SCARA3: variants seen among roughly 807,000 people sequenced by gnomAD.
SCARA3 encodes cellular stress response gene protein.
A neutral mutation model predicts 47.0 loss-of-function variants in SCARA3; 39 were observed. That is an observed-to-expected ratio of 0.83 (90% CI 0.64 to 1.08). The LOEUF is 1.08. SCARA3 is among the 50% of genes least tolerant of loss of function. SCARA3 has a pLI of 0.00. For synonymous variants in SCARA3, 356 were observed against 334.1 expected, an observed-to-expected ratio of 1.07 and a Z score of -0.71; for missense variants, 724 against 792.3, an observed-to-expected ratio of 0.91 and a Z score of 1.04.
At chr8:27,649,201 C>T (rs1443503419) in intron 1 of SCARA3, among the ~76,000 whole-genome samples, 1 of 152,142 alleles carries the variant, frequency 6.6e-6, no homozygotes, top group Non-Finnish European at 1.5e-5. Flanking sequence ...TTGTGTGAAG[C>T]AGGGATCTGC....
At chr8:27,708,744 G>C in the SCARA3 span, among the ~76,000 whole-genome samples, 3 of 151,212 alleles carry the variant, frequency 2.0e-5, no homozygotes, top group Admixed American at 1.3e-4. Context: ...TTGTTACATG[G>C]GTATATTGTG....
the SCARA3 span, among the ~76,000 whole-genome samples, chr8:27,718,213 T>C: frequency 6.6e-6 from 1 of 152,210 alleles, no homozygotes; most frequent in African/African-American, 2.4e-5. Flanking sequence ...GGCCAGAGAA[T>C]TGCCCCCTCC....
the SCARA3 span, among the ~76,000 whole-genome samples, chr8:27,685,083 A>T: frequency 2.0e-5 from 3 of 152,140 alleles, no homozygotes. Flanking sequence ...ACAACAACAA[A>T]CCCTATGCAA....
the SCARA3 span, among the ~76,000 whole-genome samples, chr8:27,697,790 C>G: frequency 9.5e-3 from 1,447 of 152,314 alleles, 24 homozygotes; most frequent in African/African-American, 0.033. Flanking sequence ...GGTTCTCACT[C>G]TCTCTTTGCC....
intron 5 of SCARA3, among the ~76,000 whole-genome samples, chr8:27,661,446 A>G (rs1801911322): frequency 6.6e-6 from 1 of 152,218 alleles, no homozygotes; most frequent in Non-Finnish European, 1.5e-5. Flanking sequence ...AAAGTTAACA[A>G]TATTTGTGCT....
At chr8:27,640,390 A>G (rs755810397) in intron 1 of SCARA3, among the ~76,000 whole-genome samples, 21 of 151,780 alleles carry the variant, frequency 1.4e-4, no homozygotes, top group Non-Finnish European at 2.1e-4. Flanking sequence ...TTTTATTTTT[A>G]TTTTATTTTA....
At chr8:27,675,477 A>G (rs1453235821), downstream of SCARA3, among the ~76,000 whole-genome samples, 1 of 152,126 alleles carries the variant, frequency 6.6e-6, no homozygotes, top group East Asian at 1.9e-4. Flanking sequence ...TCTTTTGAAC[A>G]CTTCCAAGTG....
In SCARA3 at chr8:27,658,530, T is replaced by C. The variant is rs767611356; in HGVS notation, c.360T>C (p.His120=). The C allele has an allele frequency of 7.4e-6, 12 of 1,612,364 alleles. No homozygotes were observed. The highest frequency in any genetic ancestry group is 5.0e-5 in the Admixed American group (3 of 59,728). Residue 120 remains histidine (H), a synonymous_variant, in exon 5 of 6, where the codon CAT becomes CAC. Coordinates refer to ENST00000301904, the MANE Select transcript of SCARA3 (RefSeq NM_016240.3). ...CCCTGAACAACTGCTCTTTCTGCCA[T>C]GAAGCTGGGCAGCTGGGGCCAGAGA... The part of the protein sequence containing the change: ...PKALNNCSFC[H]EAGQLGPEIR...
intron 2 of SCARA3, among the ~76,000 whole-genome samples, chr8:27,650,365 C>T (rs1008297242): frequency 2.0e-5 from 3 of 152,156 alleles, no homozygotes; most frequent in Admixed American, 6.5e-5. Context: ...GGACTTCTGC[C>T]ATCTCCCAGA....
At chr8:27,646,172 T>G (rs565166834) in intron 1 of SCARA3, among the ~76,000 whole-genome samples, 2 of 152,114 alleles carry the variant, frequency 1.3e-5, no homozygotes, top group Non-Finnish European at 2.9e-5. Context: ...CTGTGAGTTA[T>G]GGAGCTGAGA....
At chr8:27,692,644 CTAAG>C in the SCARA3 span, among the ~76,000 whole-genome samples, 9 of 152,154 alleles carry the variant, frequency 5.9e-5, no homozygotes, top group African/African-American at 1.9e-4. Flanking sequence ...AGAGAATTAA[CTAAG>C]TGTCTGGTAT....
chr8:27,709,319 A>G, the SCARA3 span, among the ~76,000 whole-genome samples: 1 of 152,180 alleles, frequency 6.6e-6, no homozygotes, highest in Non-Finnish European at 1.5e-5. Flanking sequence ...GTTTTGGGGT[A>G]ACTTGGGCCC....
At chr8:27,715,153 C>T in the SCARA3 span, among the ~76,000 whole-genome samples, 15 of 152,074 alleles carry the variant, frequency 9.9e-5, no homozygotes, top group South Asian at 2.1e-4. The surrounding 1 kb of genome is among the most constrained non-coding windows in gnomAD (Gnocchi z 4.2). Context: ...GTCAAACTCC[C>T]GGCCTGAAAC....
chr8:27,640,074 C>T (rs908233075), intron 1 of SCARA3, among the ~76,000 whole-genome samples: 4 of 151,906 alleles, frequency 2.6e-5, no homozygotes, highest in Admixed American at 6.6e-5. Context: ...GGGGACAGAG[C>T]GGTGGAATTG....
chr8:27,712,064 G>A, the SCARA3 span, among the ~76,000 whole-genome samples: 16 of 152,160 alleles, frequency 1.1e-4, no homozygotes, highest in Admixed American at 1.0e-3. Context: ...ATTCCAGAAA[G>A]ATAATTTATT....
At chr8:27,704,361 G>A in the SCARA3 span, among the ~76,000 whole-genome samples, 5 of 152,196 alleles carry the variant, frequency 3.3e-5, no homozygotes, top group Admixed American at 6.5e-5. Context: ...AGGAAGGATT[G>A]CTTGAGCCCA....
At chr8:27,635,733 G>C (rs1012148197) in intron 1 of SCARA3, among the ~76,000 whole-genome samples, 2 of 151,986 alleles carry the variant, frequency 1.3e-5, no homozygotes, top group Admixed American at 6.6e-5. Flanking sequence ...TGGGATTACA[G>C]CCTTGATCCA....
rs1801753835 is a variant in SCARA3 at position 27,656,845 on chromosome 8, A to G, written c.290A>G (p.Lys97Arg). 6.2e-7 allele frequency: 1 copy of G among 1,612,596 alleles called. No individual in the cohort carries two copies. The change falls in exon 4 of 6, where the codon AAG becomes AGG. Residue 97 changes from lysine to arginine, a missense_variant. Physicochemically the swap from Lys to Arg is conservative, Grantham distance 26. Coordinates refer to ENST00000301904, the MANE Select transcript of SCARA3 (RefSeq NM_016240.3). ...TTGACCCAGTCTATTTATGACAAGA[A>G]GCTTGTGTTAATGCAGAAAAATCTC... ...ISLTQSIYDK[K>R]LVLMQKNLQG...
intron 1 of SCARA3, among the ~76,000 whole-genome samples, chr8:27,638,351 G>A (rs1458039151): frequency 3.1e-5 from 3 of 96,992 alleles, no homozygotes; most frequent in Non-Finnish European, 2.4e-5. Flanking sequence ...TGTGTGTAGA[G>A]CACTGAGTCC....
Sources: gnomAD v4.1 joint callset for allele counts (sites outside exome capture counted in the v4.1 genomes callset) on GRCh38, gnomAD v4.1.1 for gene constraint, Gnocchi (gnomAD v3.1) non-coding constraint, MANE v1.5 for transcripts, NCBI Gene and HGNC (gene_info 2026-07-23, HGNC 2026-07-21) for gene names.